Variants in BPIFB2 observed in about 807,000 individuals in gnomAD.
The protein encoded by BPIFB2 is BPI fold-containing family B member 2.
A neutral mutation model predicts 50.1 loss-of-function variants in BPIFB2; 39 were observed. The ratio of observed to expected loss-of-function variants is 0.78; its 90% CI spans 0.60 to 1.02. The LOEUF (loss-of-function observed/expected upper bound fraction) is 1.02, where lower values mean the gene tolerates loss of function less well. Among genes scored for constraint, BPIFB2 ranks in the 50% least tolerant of loss-of-function variants. BPIFB2 has a pLI of 0.00. For synonymous variants in BPIFB2, 280 were observed against 256.3 expected, an observed-to-expected ratio of 1.09 and a Z score of -0.88; for missense variants, 574 against 585.8, an observed-to-expected ratio of 0.98 and a Z score of 0.21.
At chr20:33,017,147 C>T (rs1568978236) in intron 7 of BPIFB2, 45 bp downstream of exon 7, 1 of 1,579,968 alleles carries the variant, frequency 6.3e-7, no homozygotes, top group Non-Finnish European at 8.7e-7. Context: ...CTCTGGGACC[C>T]CCTGGAGCCC....
At chr20:33,021,448 G>T in intron 14 of BPIFB2, 104 bp downstream of exon 14, 1 of 1,288,544 alleles carries the variant, frequency 7.8e-7, no homozygotes. Context: ...CAGGCTCACA[G>T]GGTGAGAGGG....
At chr20:33,010,491 A>C (rs1990271048) in intron 2 of BPIFB2, among the ~76,000 whole-genome samples, 2 of 152,342 alleles carry the variant, frequency 1.3e-5, no homozygotes, top group South Asian at 4.1e-4. Flanking sequence ...AGATGGGGAA[A>C]CTGAGGCACA....
At chr20:33,020,972 C>T (rs1477131577) in intron 13 of BPIFB2, among the ~76,000 whole-genome samples, 1 of 152,212 alleles carries the variant, frequency 6.6e-6, no homozygotes, top group Non-Finnish European at 1.5e-5. Flanking sequence ...GTCAGGCAGT[C>T]TGCTGGCCAG....
intron 7 of BPIFB2, among the ~76,000 whole-genome samples, 184 bp from the exon 8 acceptor site, chr20:33,018,075 T>C (rs1322851434): frequency 6.6e-6 from 1 of 152,256 alleles, no homozygotes; most frequent in African/African-American, 2.4e-5. Context: ...AGCTCAATCC[T>C]GGCCATGTGC....
rs569201036 is a variant in BPIFB2 at position 33,018,316 on chromosome 20, C to G, written c.635C>G (p.Thr212Ser). ...QIRYSMVSVP[T>S]VTSDYISLEV... ...CGCTATTCCATGGTCAGTGTGCCCA[C>G]TGTCACCAGTGACTACATTTCCCTG... Residue 212 changes from threonine to serine, a missense_variant, in exon 8 of 16, where the codon ACT (threonine) becomes AGT (serine). By Grantham distance (58) the Thr-to-Ser change is moderately conservative. Transcript: ENST00000170150. 6.2e-7 allele frequency: 1 copy of G among 1,614,134 alleles called. No individual in the cohort carries two copies. Among genetic ancestry groups the G allele is most frequent in the South Asian group, 1.1e-5 (1 of 91,082 alleles).
chr20:33,011,209 G>GCTC, intron 3 of BPIFB2, 92 bp downstream of exon 3: 1 of 1,222,506 alleles, frequency 8.2e-7, no homozygotes, highest in Non-Finnish European at 1.2e-6. Context: ...CCGGGCATGT[G>GCTC]CTCCTGCCTG....
Position 33,012,908 on chromosome 20 carries a change from G to A in BPIFB2, c.308+1G>A. 1.9e-6 allele frequency: 3 copies of A among 1,606,534 alleles called. No homozygotes were observed. The highest frequency in any genetic ancestry group is 2.6e-6 in the Non-Finnish European group (3 of 1,173,144). On this transcript the variant is annotated splice_donor_variant, in intron 4 of 15. Coordinates refer to ENST00000170150, the MANE Select transcript of BPIFB2 (RefSeq NM_025227.3). LOFTEE classifies it high-confidence loss of function. ...CTAATTTTACTTTCAAGGTCTTTCG[G>A]TGAGCGGATCTCCTTGTTAGGGGGT...
intron 5 of BPIFB2, 53 bp from the exon 6 acceptor site, chr20:33,015,383 C>A: frequency 6.6e-7 from 1 of 1,516,622 alleles, no homozygotes. Context: ...TGCTGAGTGA[C>A]GGGACTTAAT....
intron 6 of BPIFB2, among the ~76,000 whole-genome samples, chr20:33,016,805 C>T (rs778348251): frequency 6.6e-5 from 10 of 152,260 alleles, no homozygotes; most frequent in Non-Finnish European, 1.3e-4. Context: ...TTCTTTCTTC[C>T]GTGCCTGGGG....
Position 33,021,309 on chromosome 20 carries a change from C to T in BPIFB2, c.1223C>T (p.Thr408Ile). The part of the protein sequence containing the change: ...DTDQVRTLMG[T>I]VFEKPLLDHL... ...GATCAGGTGCGCACACTGATGGGCA[C>T]CGTTTTTGAGAAGCCCCTGCTGGAC... The change falls in exon 14 of 16, where the codon ACC becomes ATC. Residue 408 changes from threonine to isoleucine, a missense_variant. Transcript: ENST00000170150. The T allele has an allele frequency of 6.2e-7, 1 of 1,613,968 alleles. No individual in the cohort carries two copies. Among genetic ancestry groups the T allele is most frequent in the Non-Finnish European group, 8.5e-7 (1 of 1,179,996 alleles).
At chr20:33,019,019 C>G in intron 9 of BPIFB2, 43 bp from the exon 10 acceptor site, 1 of 1,612,538 alleles carries the variant, frequency 6.2e-7, no homozygotes, top group Non-Finnish European at 8.5e-7. Context: ...TCTTGGGGAG[C>G]AGCTGTCCTA....
At position 33,008,563 on chromosome 20, in the gene BPIFB2, G is replaced by C. The variant is rs1568975207; in HGVS notation, c.-12G>C. The C allele has an allele frequency of 6.4e-7, 1 of 1,574,402 alleles. No homozygotes were observed. Among genetic ancestry groups the C allele is most frequent in the Admixed American group, 1.8e-5 (1 of 55,170 alleles). ...CAGCCCACAGATCCTGTGGGCAGCG[G>C]CCAGGGCAGCCATGGCTTGGGCAAG... On this transcript the variant is annotated 5_prime_UTR_variant, in exon 2 of 16. Transcript: ENST00000170150.
intron 1 of BPIFB2, among the ~76,000 whole-genome samples, chr20:33,008,123 T>C (rs1221304761): frequency 1.3e-5 from 2 of 152,192 alleles, no homozygotes; most frequent in African/African-American, 4.8e-5. Context: ...GGTGGACAGC[T>C]GGACACCAAG....
Position 33,010,637 on chromosome 20 carries a change from G to A in BPIFB2, c.110-387G>A, listed in dbSNP as rs531050634. ...GGACGTCCCCTCTGCTCCCATGGGCGCCTCCACAGCAGGCCAGGGATGACT... is the reference window on the plus strand; with the variant it reads ...GGACGTCCCCTCTGCTCCCATGGGCACCTCCACAGCAGGCCAGGGATGACT... On this transcript the variant is annotated intron_variant, in intron 2 of 15. Transcript: ENST00000170150. 7.2e-5 allele frequency among the ~76,000 whole-genome samples: 11 copies of A among 152,164 alleles called. No individual in the cohort carries two copies. In the South Asian group the frequency reaches 8.3e-4, roughly 11 times the overall value.
chr20:33,016,693 G>A (rs1978442734), intron 6 of BPIFB2, among the ~76,000 whole-genome samples: 1 of 152,242 alleles, frequency 6.6e-6, no homozygotes, highest in African/African-American at 2.4e-5. Context: ...CCTCTCACCA[G>A]CTGAGCTTCA....
intron 15 of BPIFB2, 83 bp downstream of exon 15, chr20:33,021,882 C>G: frequency 7.3e-7 from 1 of 1,374,750 alleles, no homozygotes; most frequent in Non-Finnish European, 1.0e-6. Flanking sequence ...CTCCCTCCCC[C>G]TCTGTGGCTG....
At position 33,019,719 on chromosome 20, in the gene BPIFB2, C is replaced by T. The variant is rs375053033; in HGVS notation, c.1049C>T (p.Ser350Leu). 21 of 1,610,256 alleles carry T rather than the reference C, an allele frequency of 1.3e-5. No homozygotes were observed. The East Asian group carries it at 2.2e-4, about 17-fold the overall frequency. Residue 350 changes from serine to leucine, a missense_variant, in exon 11 of 16, where the codon TCG becomes TTG. Coordinates refer to ENST00000170150, the MANE Select transcript of BPIFB2 (RefSeq NM_025227.3). Reference protein sequence around the residue: ...FVEVLATASNSAFQSLFSLDV... With the variant: ...FVEVLATASNLAFQSLFSLDV... ...GAGGTCCTGGCCACAGCCTCCAACT[C>T]GGCTTTCCAGTCCCTCTTCTCCCTG...
chr20:33,017,881 T>C (rs1219326907), intron 7 of BPIFB2, among the ~76,000 whole-genome samples: 2 of 152,234 alleles, frequency 1.3e-5, no homozygotes, highest in Non-Finnish European at 2.9e-5. Context: ...CATCTGGACC[T>C]TGATAAGTGA....
chr20:33,019,453 G>A, intron 10 of BPIFB2, 127 bp from the exon 11 acceptor site: 1 of 1,113,314 alleles, frequency 9.0e-7, no homozygotes, highest in Non-Finnish European at 1.2e-6. Context: ...TACACAGAGG[G>A]GGGACCCACC....
Sources: allele counts gnomAD v4.1 joint callset (sites outside exome capture counted in the v4.1 genomes callset), GRCh38; gene constraint gnomAD v4.1.1; transcripts MANE v1.5; gene names NCBI Gene and HGNC (gene_info 2026-07-23, HGNC 2026-07-21).